Variants in DEPDC7 observed in about 807,000 individuals in gnomAD.
The protein encoded by DEPDC7 is DEP domain containing 7.
In DEPDC7, 41 loss-of-function variants were observed where a neutral mutation model predicts 56.6. The ratio of observed to expected loss-of-function variants is 0.72; its 90% CI spans 0.56 to 0.94. DEPDC7 has a LOEUF of 0.94. Ranked by LOEUF, DEPDC7 falls within the 40% of genes least tolerant of loss-of-function variation. The probability of loss-of-function intolerance (pLI) is 0.00; values close to 1 mark genes in which losing one functional copy is unlikely to be tolerated. For missense variants in DEPDC7, 522 were observed against 596.3 expected (o/e 0.88, Z 1.30); for synonymous variants, 185 against 208.8 (o/e 0.89, Z 0.98).
chr11:33,022,441 A>G (rs1853532703), intron 1 of DEPDC7, among the ~76,000 whole-genome samples: 1 of 152,234 alleles, frequency 6.6e-6, no homozygotes, highest in African/African-American at 2.4e-5. Flanking sequence ...CTGTGGGCAC[A>G]TTTAACTCAC....
At chr11:33,031,637 A>G in intron 5 of DEPDC7, 48 bp downstream of exon 5, 1 of 1,499,896 alleles carries the variant, frequency 6.7e-7, no homozygotes, top group Non-Finnish European at 9.2e-7. Context: ...TGGAGGAAAC[A>G]AGAAAAAGTT....
At chr11:33,021,080 C>G (rs1200403031) in intron 1 of DEPDC7, among the ~76,000 whole-genome samples, 1 of 151,660 alleles carries the variant, frequency 6.6e-6, no homozygotes, top group East Asian at 1.9e-4. Flanking sequence ...AACCCTGTCT[C>G]TACTAAAAAT....
At position 33,032,932 on chromosome 11, in the gene DEPDC7, C is replaced by T. The variant is rs868686731; in HGVS notation, c.1307C>T (p.Ala436Val). 1.9e-6 allele frequency: 3 copies of T among 1,603,800 alleles called. No homozygotes were observed. Among genetic ancestry groups the T allele is most frequent in the East Asian group, 2.2e-5 (1 of 44,626 alleles). ...LHKIVSVKLM[A>V]IQNGRDPNRD... ...AAAATTGTAAGTGTTAAGCTTATGG[C>T]CATACAGAACGGAAGAGATCCAAAT... The change falls in exon 8 of 9, where the codon GCC (alanine) becomes GTC (valine). Residue 436 changes from alanine to valine, a missense_variant. Ala to Val is a moderately conservative substitution (Grantham distance 64, BLOSUM62 0). Coordinates refer to ENST00000241051, the MANE Select transcript of DEPDC7 (RefSeq NM_001077242.2).
At chr11:33,033,107 C>T in intron 8 of DEPDC7, 140 bp downstream of exon 8, 1 of 920,702 alleles carries the variant, frequency 1.1e-6, no homozygotes, top group Non-Finnish European at 1.6e-6. Flanking sequence ...TACAAAGCAA[C>T]TTTACAAGTG....
At chr11:33,031,626 T>C in intron 5 of DEPDC7, 37 bp downstream of exon 5, 1 of 1,545,892 alleles carries the variant, frequency 6.5e-7, no homozygotes, top group Non-Finnish European at 8.9e-7. Flanking sequence ...CATTTATCTT[T>C]TGGAGGAAAC....
At chr11:33,026,417 G>T in intron 2 of DEPDC7, 1 of 291,116 alleles carries the variant, frequency 3.4e-6, no homozygotes, top group Non-Finnish European at 6.7e-6. Flanking sequence ...ACAGAATTGT[G>T]GAATCCAGTG....
chr11:33,019,096 G>A (rs1206902287), intron 1 of DEPDC7, among the ~76,000 whole-genome samples: 1 of 152,206 alleles, frequency 6.6e-6, no homozygotes, highest in Non-Finnish European at 1.5e-5. Flanking sequence ...CTAACTCTTT[G>A]TAGTCACAGC....
intron 4 of DEPDC7, 50 bp downstream of exon 4, chr11:33,028,842 G>A: frequency 7.1e-7 from 1 of 1,405,760 alleles, no homozygotes. Context: ...GGTAGATTGA[G>A]ATAATGGTTT....
chr11:33,028,930 T>C (rs1304626767), intron 4 of DEPDC7, 138 bp downstream of exon 4: 2 of 543,370 alleles, frequency 3.7e-6, no homozygotes, highest in African/African-American at 3.9e-5. Context: ...TTTGAGAATG[T>C]GAAGAACAAA....
At chr11:33,029,142 T>A (rs975204688) in intron 4 of DEPDC7, among the ~76,000 whole-genome samples, 1 of 151,132 alleles carries the variant, frequency 6.6e-6, no homozygotes, top group African/African-American at 2.4e-5. Flanking sequence ...ATTATTGAGA[T>A]CCTTTGATTA....
Position 33,027,670 on chromosome 11 carries a change from A to C in DEPDC7, c.465-16A>C, listed in dbSNP as rs763094022. ...GGGCTTAGTAAATGTTCATTTCTGA[A>C]ATAAATTCATTTTAGGTATGCAGAT... On this transcript the variant is annotated splice_polypyrimidine_tract_variant and intron_variant, in intron 2 of 8. Coordinates refer to ENST00000241051, the MANE Select transcript of DEPDC7 (RefSeq NM_001077242.2). 6.8e-7 allele frequency: 1 copy of C among 1,480,130 alleles called. No homozygotes were observed. Among genetic ancestry groups the C allele is most frequent in the South Asian group, 1.4e-5 (1 of 70,732 alleles). The allele number at this position is 1,480,130 out of a possible 1,614,324, so 91.7% of individuals were successfully genotyped here. A position where few individuals can be genotyped will look rare whatever the true frequency, so the allele number is the denominator to read the frequency against.
intron 3 of DEPDC7, 118 bp downstream of exon 3, chr11:33,027,931 T>G: frequency 2.9e-6 from 3 of 1,033,592 alleles, no homozygotes; most frequent in Admixed American, 3.7e-5. Context: ...AAGAGTGCAC[T>G]ATGTATTAAA....
chr11:33,032,725 A>C lies in DEPDC7; in HGVS notation c.1195A>C (p.Asn399His), dbSNP rs747935825. The change falls in exon 7 of 9, where the codon AAT becomes CAT. Residue 399 changes from asparagine (N) to histidine (H), a missense_variant. By Grantham distance (68) the Asn-to-His change is moderately conservative. Coordinates refer to ENST00000241051, the MANE Select transcript of DEPDC7 (RefSeq NM_001077242.2). ...IFSKAIVDNKNLSKGKTDLLV... is the reference protein window; with the variant it reads ...IFSKAIVDNKHLSKGKTDLLV... Reference sequence around the variant, plus strand: ...CTCAAAAGCTATTGTTGACAATAAAAATTTATCCAAAGGCAAAACAGATCT... The same window carrying C: ...CTCAAAAGCTATTGTTGACAATAAACATTTATCCAAAGGCAAAACAGATCT... The C allele has an allele frequency of 6.2e-7, 1 of 1,608,062 alleles. No individual in the cohort carries two copies. The highest frequency in any genetic ancestry group is 1.1e-5 in the South Asian group (1 of 89,632).
intron 3 of DEPDC7, 47 bp downstream of exon 3, chr11:33,027,860 A>G: frequency 6.8e-7 from 1 of 1,471,086 alleles, no homozygotes; most frequent in South Asian, 1.4e-5. Context: ...CAAACTTCAA[A>G]GTTATTTAAA....
intron 5 of DEPDC7, 146 bp downstream of exon 5, chr11:33,031,735 C>G: frequency 1.5e-6 from 1 of 689,582 alleles, no homozygotes; most frequent in Non-Finnish European, 2.4e-6. Flanking sequence ...TCAAAAACTT[C>G]TAGGGGTCAT....
Position 33,015,970 on chromosome 11 carries a change from G to T in DEPDC7, c.15G>T (p.Gln5His). MATV[Q>H]EKAAALNLSA... ...GAGCAAGGGCCATGGCCACCGTGCA[G>T]GAGAAGGCTGCTGCGCTGAACCTCT... is the stretch of plus-strand genomic sequence containing the variant. Residue 5 changes from glutamine (Q) to histidine (H), a missense_variant, in exon 1 of 9, where the codon CAG becomes CAT. Transcript: ENST00000241051. The T allele has an allele frequency of 6.3e-7, 1 of 1,579,278 alleles. No homozygotes were observed. Among genetic ancestry groups the T allele is most frequent in the East Asian group, 2.4e-5 (1 of 42,544 alleles).
chr11:33,017,178 A>T lies in DEPDC7; in HGVS notation c.73+1150A>T, dbSNP rs187682631. Among the ~76,000 whole-genome samples the T allele has an allele frequency of 1.2e-4, 19 of 152,358 alleles. No homozygotes were observed. In the East Asian group the frequency reaches 3.7e-3, roughly 29 times the overall value. On this transcript the variant is annotated intron_variant, in intron 1 of 8. Transcript: ENST00000241051. ...CTGCTTCCATGTAAAGGATTCAGGTAAGCACATAGTGGCCACATTGAGAAT... is the reference window on the plus strand; with the variant it reads ...CTGCTTCCATGTAAAGGATTCAGGTTAGCACATAGTGGCCACATTGAGAAT...
At chr11:33,028,911 T>A (rs181173724) in intron 4 of DEPDC7, 119 bp downstream of exon 4, 1 of 612,988 alleles carries the variant, frequency 1.6e-6, no homozygotes, top group East Asian at 3.2e-5. Context: ...TTAGTTGATA[T>A]TATCAGTATT....
chr11:33,033,308 T>C lies in DEPDC7; in HGVS notation c.1389T>C (p.Asn463=). The C allele has an allele frequency of 6.2e-7, 1 of 1,606,520 alleles. No individual in the cohort carries two copies. The highest frequency in any genetic ancestry group is 8.5e-7 in the Non-Finnish European group (1 of 1,177,974). Residue 463 remains asparagine, a synonymous_variant, in exon 9 of 9, where the codon AAT becomes AAC. Coordinates refer to ENST00000241051, the MANE Select transcript of DEPDC7 (RefSeq NM_001077242.2). ...QRIDQRDYSN[N]TEKTTKDELL... is the part of the protein sequence containing the mutation. The stretch of plus-strand genomic sequence containing the variant: ...TTGATCAACGTGACTATTCCAACAA[T>C]ACAGAGAAGACAACCAAAGATGAGC...
Sources: allele counts gnomAD v4.1 joint callset (sites outside exome capture counted in the v4.1 genomes callset), GRCh38; gene constraint gnomAD v4.1.1; transcripts MANE v1.5; gene names NCBI Gene and HGNC (gene_info 2026-07-23, HGNC 2026-07-21).